Variants in CDH18 observed in about 807,000 individuals in gnomAD.
The protein encoded by CDH18 is cadherin 18, also known as cadherin-18.
Under a neutral mutation model 67.9 loss-of-function variants are expected in CDH18, and 31 were observed. The observed-to-expected ratio is 0.46, with a 90% confidence interval of 0.34 to 0.62. The LOEUF (loss-of-function observed/expected upper bound fraction) is 0.62. CDH18 is among the 20% of genes least tolerant of loss of function. The pLI is 0.01. For missense variants in CDH18, 890 were observed against 975.5 expected (o/e 0.91, Z 1.17); for synonymous variants, 362 against 347.2 (o/e 1.04, Z -0.48).
intron 2 of CDH18, among the ~76,000 whole-genome samples, chr5:20,227,922 T>C (rs535604567): frequency 4.0e-4 from 61 of 152,288 alleles, no homozygotes; most frequent in Middle Eastern, 6.8e-3. Context: ...CATTTCACTT[T>C]CTGTCCATTC....
chr5:20,183,537 G>GA (rs1737861805), intron 2 of CDH18, among the ~76,000 whole-genome samples: 1 of 151,844 alleles, frequency 6.6e-6, no homozygotes, highest in East Asian at 1.9e-4. Context: ...AAAAAAAGAA[G>GA]AAAAAACAAA....
At chr5:20,416,277 A>G (rs1747302261) in intron 1 of CDH18, among the ~76,000 whole-genome samples, 1 of 152,192 alleles carries the variant, frequency 6.6e-6, no homozygotes, top group Non-Finnish European at 1.5e-5. Flanking sequence ...TCACAAGTAC[A>G]TAAATTTGAG....
At chr5:19,531,603 G>T (rs991205097) in intron 9 of CDH18, among the ~76,000 whole-genome samples, 8 of 125,800 alleles carry the variant, frequency 6.4e-5, no homozygotes, top group Non-Finnish European at 1.1e-4. Context: ...GTTAAAATGT[G>T]TGTTCTCACA....
chr5:20,005,180 A>C (rs983001355), intron 2 of CDH18, among the ~76,000 whole-genome samples: 1 of 152,096 alleles, frequency 6.6e-6, no homozygotes, highest in African/African-American at 2.4e-5. Flanking sequence ...AAAATAAATA[A>C]AGCAGATTAT....
At chr5:20,217,010 T>C (rs1740833985) in intron 2 of CDH18, among the ~76,000 whole-genome samples, 1 of 151,676 alleles carries the variant, frequency 6.6e-6, no homozygotes, top group Admixed American at 6.6e-5. Flanking sequence ...AAAATACATA[T>C]ATATAAATAT....
At chr5:20,093,699 T>C (rs1745640496) in intron 2 of CDH18, among the ~76,000 whole-genome samples, 1 of 152,026 alleles carries the variant, frequency 6.6e-6, no homozygotes, top group African/African-American at 2.4e-5. Context: ...GGTAATCAGG[T>C]ATTAAGGAAC....
At chr5:20,226,226 A>G (rs967664670) in intron 2 of CDH18, among the ~76,000 whole-genome samples, 1 of 152,124 alleles carries the variant, frequency 6.6e-6, no homozygotes, top group Non-Finnish European at 1.5e-5. Flanking sequence ...CTCTTAAAAG[A>G]GTATTTTTGA....
At chr5:20,198,803 C>T (rs1365607717) in intron 2 of CDH18, among the ~76,000 whole-genome samples, 1 of 152,124 alleles carries the variant, frequency 6.6e-6, no homozygotes, top group African/African-American at 2.4e-5. Context: ...TGTGTGCAGC[C>T]CAGGGACTTG....
intron 2 of CDH18, among the ~76,000 whole-genome samples, chr5:19,895,896 G>C (rs1368117735): frequency 6.6e-6 from 1 of 152,112 alleles, no homozygotes; most frequent in Non-Finnish European, 1.5e-5. Context: ...CATGGTAAAA[G>C]GGGCTGTTCT....
chr5:19,975,158 T>C (rs1798383111), intron 2 of CDH18, among the ~76,000 whole-genome samples: 1 of 152,130 alleles, frequency 6.6e-6, no homozygotes. Flanking sequence ...ACTAAATCAA[T>C]AAGTTATATA....
chr5:20,284,376 T>A (rs1234727064), intron 1 of CDH18, among the ~76,000 whole-genome samples: 1 of 151,962 alleles, frequency 6.6e-6, no homozygotes, highest in Non-Finnish European at 1.5e-5. Flanking sequence ...TACTATGTAC[T>A]CATAAAAATA....
At chr5:20,475,473 A>G (rs1752373908) in intron 1 of CDH18, among the ~76,000 whole-genome samples, 1 of 152,202 alleles carries the variant, frequency 6.6e-6, no homozygotes, top group Non-Finnish European at 1.5e-5. Context: ...TCAAATTTGT[A>G]TAAGATCATG....
chr5:20,414,733 AATC>A (rs1179565234), intron 1 of CDH18, among the ~76,000 whole-genome samples: 2 of 152,234 alleles, frequency 1.3e-5, no homozygotes, highest in Non-Finnish European at 2.9e-5. Context: ...CAACATCACT[AATC>A]ATGAGTGAAA....
intron 1 of CDH18, among the ~76,000 whole-genome samples, chr5:20,278,328 A>C (rs1300698963): frequency 6.6e-6 from 1 of 152,118 alleles, no homozygotes; most frequent in Non-Finnish European, 1.5e-5. Flanking sequence ...GTTTGGTGCA[A>C]ATCTTACAGG....
chr5:20,412,297 G>A (rs1746855107), intron 1 of CDH18, among the ~76,000 whole-genome samples: 1 of 152,174 alleles, frequency 6.6e-6, no homozygotes, highest in Non-Finnish European at 1.5e-5. Context: ...AAACGATACT[G>A]GGAAAACTGG....
intron 1 of CDH18, among the ~76,000 whole-genome samples, chr5:20,540,576 A>T (rs1198776672): frequency 6.6e-6 from 1 of 152,154 alleles, no homozygotes; most frequent in Non-Finnish European, 1.5e-5. Flanking sequence ...AATGTTTTTG[A>T]GTGACTATAA....
intron 2 of CDH18, among the ~76,000 whole-genome samples, chr5:19,921,432 G>C (rs543995589): frequency 0.012 from 1,882 of 151,800 alleles, 53 homozygotes; most frequent in African/African-American, 0.043. Flanking sequence ...TCGGGAGGCT[G>C]AGACAGGAGA....
intron 2 of CDH18, among the ~76,000 whole-genome samples, chr5:19,903,536 T>G (rs1790161078): frequency 1.7e-5 from 1 of 58,624 alleles, no homozygotes; most frequent in Non-Finnish European, 3.6e-5. Context: ...ACTCTGTGTG[T>G]GTGTGTATAT....
intron 2 of CDH18, among the ~76,000 whole-genome samples, chr5:20,009,038 A>T (rs1377969493): frequency 6.6e-6 from 1 of 152,136 alleles, no homozygotes; most frequent in Non-Finnish European, 1.5e-5. Flanking sequence ...GATTTTATAC[A>T]TCTGTATTGT....
Sources: allele counts gnomAD v4.1 joint callset (sites outside exome capture counted in the v4.1 genomes callset), GRCh38; gene constraint gnomAD v4.1.1; transcripts MANE v1.5; gene names NCBI Gene and HGNC (gene_info 2026-07-23, HGNC 2026-07-21).